Variants in SRGAP3 observed in about 807,000 individuals in gnomAD.
The protein encoded by SRGAP3 is SLIT-ROBO Rho GTPase-activating protein 3.
A neutral mutation model predicts 121.1 loss-of-function variants in SRGAP3; 39 were observed. The ratio of observed to expected loss-of-function variants is 0.32; its 90% CI spans 0.25 to 0.42. The LOEUF (loss-of-function observed/expected upper bound fraction) is 0.42. Ranked by LOEUF, SRGAP3 falls within the 10% of genes least tolerant of loss-of-function variation. The pLI is 1.00. For missense variants in SRGAP3, 1,213 were observed against 1,470.6 expected (o/e 0.82, Z 2.86); for synonymous variants, 601 against 570.0 (o/e 1.05, Z -0.77).
At chr3:9,171,279 A>G (rs934926224) in intron 1 of SRGAP3, among the ~76,000 whole-genome samples, 2 of 152,238 alleles carry the variant, frequency 1.3e-5, no homozygotes, top group Non-Finnish European at 2.9e-5. Context: ...ATCTGCTCCA[A>G]GTTCAGAGGC....
Position 9,122,537 on chromosome 3 carries a change from G to A in SRGAP3, c.260+2188C>T, listed in dbSNP as rs1401188673. ...ATCCTGGCTAACATGGTGAAACCCCGTCTCTACTAAAAATACAAAAAATTA... is the reference window on the plus strand; with the variant it reads ...ATCCTGGCTAACATGGTGAAACCCCATCTCTACTAAAAATACAAAAAATTA... On this transcript the variant is annotated intron_variant, in intron 2 of 21. Coordinates refer to ENST00000383836, the MANE Select transcript of SRGAP3 (RefSeq NM_014850.4). 6.6e-5 allele frequency among the ~76,000 whole-genome samples: 10 copies of A among 151,810 alleles called. 1 individual carries two copies. The highest frequency in any genetic ancestry group is 1.3e-4 in the Admixed American group (2 of 15,234).
intron 18 of SRGAP3, among the ~76,000 whole-genome samples, chr3:8,998,891 G>C (rs1430240694): frequency 6.6e-6 from 1 of 152,178 alleles, no homozygotes; most frequent in Non-Finnish European, 1.5e-5. Context: ...GATGGGCCTA[G>C]GGTTGGGTCA....
At chr3:9,090,326 G>T (rs1287402249) in intron 3 of SRGAP3, among the ~76,000 whole-genome samples, 1 of 151,900 alleles carries the variant, frequency 6.6e-6, no homozygotes, top group Non-Finnish European at 1.5e-5. Flanking sequence ...AATGCCTGTG[G>T]ATGAGCTCAG....
intron 3 of SRGAP3, among the ~76,000 whole-genome samples, chr3:9,096,962 T>C (rs896330077): frequency 4.3e-5 from 4 of 93,818 alleles, no homozygotes; most frequent in Middle Eastern, 4.6e-3. Flanking sequence ...TATATATATA[T>C]ATATATATAT....
chr3:9,230,118 G>A (rs1314742223), intron 1 of SRGAP3, among the ~76,000 whole-genome samples: 1 of 152,158 alleles, frequency 6.6e-6, no homozygotes, highest in Non-Finnish European at 1.5e-5. Flanking sequence ...AATAACAATC[G>A]GTGACGCTGA....
chr3:9,250,928 T>C (rs994805561), upstream of SRGAP3, among the ~76,000 whole-genome samples: 2 of 152,226 alleles, frequency 1.3e-5, no homozygotes, highest in African/African-American at 2.4e-5. Context: ...TATGCTAAGA[T>C]TGTCACTAAT....
At chr3:9,298,112 T>A (rs764987482) in intron 3 of SRGAP3, among the ~76,000 whole-genome samples, 4 of 152,150 alleles carry the variant, frequency 2.6e-5, no homozygotes, top group Non-Finnish European at 4.4e-5. Context: ...TCAGTAGTAC[T>A]TACAGTTATG....
intron 4 of SRGAP3, among the ~76,000 whole-genome samples, chr3:9,073,424 C>T (rs919489038): frequency 1.2e-4 from 18 of 152,232 alleles, no homozygotes; most frequent in African/African-American, 3.4e-4. Flanking sequence ...GGATTACAGG[C>T]GTGAGCCAAG....
At position 9,109,044 on chromosome 3, in the gene SRGAP3, G is replaced by A. The variant is rs1948522994; in HGVS notation, c.261-4202C>T. On this transcript the variant is annotated intron_variant, in intron 2 of 21. Coordinates refer to ENST00000383836, the MANE Select transcript of SRGAP3 (RefSeq NM_014850.4). The surrounding 1 kb of genome is among the most constrained non-coding windows in gnomAD (Gnocchi z 4.4). ...GCAAGGGGAGCAGTAGGTTTGGACAGAAAATGCATTGCTTATCTCATTTTC... is the reference window on the plus strand; with the variant it reads ...GCAAGGGGAGCAGTAGGTTTGGACAAAAAATGCATTGCTTATCTCATTTTC... Among the ~76,000 whole-genome samples, 1 of 152,194 alleles carries A rather than the reference G, an allele frequency of 6.6e-6. No individual in the cohort carries two copies. Among genetic ancestry groups the A allele is most frequent in the African/African-American group, 2.4e-5 (1 of 41,446 alleles).
intron 1 of SRGAP3, among the ~76,000 whole-genome samples, chr3:9,221,367 C>T (rs1952804952): frequency 1.3e-5 from 2 of 151,998 alleles, no homozygotes; most frequent in African/African-American, 2.4e-5. Context: ...CCTGTTTCTA[C>T]AAAAACATTT....
chr3:9,059,631 G>A (rs17738430), intron 6 of SRGAP3: 13,219 of 175,414 alleles, frequency 0.075, 703 homozygotes, highest in Middle Eastern at 0.12. Context: ...ACCGCTCACA[G>A]TGTTCTTTCT....
At chr3:9,358,797 C>T (rs1369440369) in intron 1 of SRGAP3, among the ~76,000 whole-genome samples, 2 of 152,064 alleles carry the variant, frequency 1.3e-5, no homozygotes, top group Non-Finnish European at 2.9e-5. Flanking sequence ...TGGTTTATTA[C>T]AAAAGATATT....
At chr3:9,107,366 G>A in intron 2 of SRGAP3, among the ~76,000 whole-genome samples, 1 of 152,240 alleles carries the variant, frequency 6.6e-6, no homozygotes, top group East Asian at 1.9e-4. Context: ...CATACGCAGA[G>A]CATCAGTTCT....
chr3:9,059,120 A>T (rs1210145574), intron 6 of SRGAP3: 1 of 153,186 alleles, frequency 6.5e-6, no homozygotes, highest in African/African-American at 2.4e-5. Flanking sequence ...TGTTCTCCCC[A>T]CTCAGAGCTG....
chr3:9,087,920 T>A (rs1460278089), intron 3 of SRGAP3, among the ~76,000 whole-genome samples: 5 of 151,910 alleles, frequency 3.3e-5, no homozygotes, highest in Admixed American at 3.3e-4. Flanking sequence ...GCTCACCAAC[T>A]CCCCAGTATC....
intron 1 of SRGAP3, among the ~76,000 whole-genome samples, chr3:9,357,032 G>A (rs1216518197): frequency 6.6e-6 from 1 of 152,010 alleles, no homozygotes; most frequent in Admixed American, 6.5e-5. Flanking sequence ...CAAGGCCAAG[G>A]CAGGCAGATC....
intron 18 of SRGAP3, among the ~76,000 whole-genome samples, chr3:8,997,861 C>G (rs1276762589): frequency 2.7e-5 from 4 of 146,128 alleles, no homozygotes; most frequent in African/African-American, 1.1e-4. Flanking sequence ...AACACTTCAG[C>G]ATAAATATTC....
intron 18 of SRGAP3, among the ~76,000 whole-genome samples, chr3:9,001,589 G>C (rs1942772525): frequency 6.6e-6 from 1 of 151,954 alleles, no homozygotes; most frequent in Admixed American, 6.6e-5. Flanking sequence ...CTATATAAGT[G>C]GTAATATCAA....
At chr3:9,284,744 G>A (rs1954737839) in intron 3 of SRGAP3, among the ~76,000 whole-genome samples, 2 of 149,632 alleles carry the variant, frequency 1.3e-5, no homozygotes, top group African/African-American at 4.9e-5. Flanking sequence ...GACACAGGAG[G>A]ATCACTTGAG....
Sources: gnomAD v4.1 joint callset for allele counts (sites outside exome capture counted in the v4.1 genomes callset) on GRCh38, gnomAD v4.1.1 for gene constraint, Gnocchi (gnomAD v3.1) non-coding constraint, MANE v1.5 for transcripts, NCBI Gene and HGNC (gene_info 2026-07-23, HGNC 2026-07-21) for gene names.